Variants in ATRNL1 observed in about 807,000 individuals in gnomAD.
ATRNL1 encodes attractin like 1, also known as attractin-like protein 1.
Under a neutral mutation model 182.7 loss-of-function variants are expected in ATRNL1, and 95 were observed. The ratio of observed to expected loss-of-function variants is 0.52; its 90% confidence interval spans 0.44 to 0.62. ATRNL1 has a LOEUF of 0.62. ATRNL1 is among the 20% of genes least tolerant of loss of function. The pLI, the probability that ATRNL1 is intolerant of heterozygous loss-of-function variation, is 0.00. For missense variants in ATRNL1, 1,471 were observed against 1,679.5 expected, an observed-to-expected ratio of 0.88 and a Z score of 2.17; for synonymous variants, 576 against 568.3, an observed-to-expected ratio of 1.01 and a Z score of -0.19.
intron 1 of ATRNL1, among the ~76,000 whole-genome samples, chr10:115,100,671 TG>T (rs1259394961): frequency 6.6e-6 from 1 of 152,180 alleles, no homozygotes; most frequent in Non-Finnish European, 1.5e-5. Context: ...TCTTGAATTC[TG>T]GGAGTGTTTT....
intron 5 of ATRNL1, among the ~76,000 whole-genome samples, chr10:115,143,904 G>T (rs997887106): frequency 2.0e-5 from 3 of 151,896 alleles, no homozygotes; most frequent in African/African-American, 7.3e-5. Context: ...ATACTATCAC[G>T]TTGGGAGTTA....
At chr10:115,318,958 T>C in intron 18 of ATRNL1, among the ~76,000 whole-genome samples, 1 of 152,134 alleles carries the variant, frequency 6.6e-6, no homozygotes, top group East Asian at 1.9e-4. Context: ...TGCTGTTGCT[T>C]CTCTAGTTCT....
At chr10:115,521,228 A>T (rs1016086317) in intron 25 of ATRNL1, among the ~76,000 whole-genome samples, 1 of 151,830 alleles carries the variant, frequency 6.6e-6, no homozygotes, top group Non-Finnish European at 1.5e-5. Flanking sequence ...ATTTCGGCTC[A>T]CTGCAACCTT....
intron 27 of ATRNL1, among the ~76,000 whole-genome samples, chr10:115,738,376 G>T (rs1292412290): frequency 6.6e-6 from 1 of 151,758 alleles, no homozygotes; most frequent in Non-Finnish European, 1.5e-5. Flanking sequence ...CCGACCTCAG[G>T]TAATCCACCT....
intron 27 of ATRNL1, among the ~76,000 whole-genome samples, chr10:115,825,661 C>T (rs1033509871): frequency 5.3e-5 from 8 of 152,074 alleles, no homozygotes; most frequent in African/African-American, 1.4e-4. Flanking sequence ...TCCTGTTAAT[C>T]GTCAGTGTGT....
At chr10:115,553,661 A>G (rs1284577446) in intron 26 of ATRNL1, among the ~76,000 whole-genome samples, 1 of 151,388 alleles carries the variant, frequency 6.6e-6, no homozygotes, top group African/African-American at 2.4e-5. Flanking sequence ...TAAAAATAAT[A>G]AACCAATACC....
chr10:115,362,099 A>G (rs971402933), intron 19 of ATRNL1, among the ~76,000 whole-genome samples: 3 of 152,086 alleles, frequency 2.0e-5, no homozygotes, highest in African/African-American at 7.2e-5. Flanking sequence ...AAAAGAAAAA[A>G]AAATTTACAC....
chr10:115,099,712 T>C (rs1474240558), intron 1 of ATRNL1, among the ~76,000 whole-genome samples: 1 of 152,234 alleles, frequency 6.6e-6, no homozygotes, highest in African/African-American at 2.4e-5. Context: ...TCTCATGTGC[T>C]TACTTGCCAT....
chr10:115,472,416 T>C (rs1216580048), intron 24 of ATRNL1, among the ~76,000 whole-genome samples: 4 of 151,100 alleles, frequency 2.6e-5, no homozygotes, highest in Non-Finnish European at 3.0e-5. Context: ...TTGTATTGAC[T>C]CTGTAGAACA....
intron 26 of ATRNL1, among the ~76,000 whole-genome samples, chr10:115,713,625 A>ATG (rs1947139539): frequency 6.6e-6 from 1 of 150,692 alleles, no homozygotes; most frequent in Non-Finnish European, 1.5e-5. Flanking sequence ...ATATACACAC[A>ATG]CACACACACA....
chr10:115,109,019 T>C (rs1554867007), intron 1 of ATRNL1, among the ~76,000 whole-genome samples: 1 of 152,162 alleles, frequency 6.6e-6, no homozygotes, highest in Non-Finnish European at 1.5e-5. Context: ...CCCTTTACTC[T>C]CCACATTTCT....
At chr10:115,927,742 A>G (rs534185071) in intron 28 of ATRNL1, among the ~76,000 whole-genome samples, 1 of 152,096 alleles carries the variant, frequency 6.6e-6, no homozygotes, top group Non-Finnish European at 1.5e-5. Context: ...TTGACTTGTC[A>G]AGAGAATCAG....
intron 28 of ATRNL1, among the ~76,000 whole-genome samples, chr10:115,906,825 T>TA (rs1384482983): frequency 1.4e-3 from 215 of 151,640 alleles, no homozygotes; most frequent in African/African-American, 4.5e-3. Flanking sequence ...ATACTTTTTT[T>TA]AAAAAAAAAT....
At chr10:115,851,685 C>T (rs1200317446) in intron 28 of ATRNL1, among the ~76,000 whole-genome samples, 3 of 152,144 alleles carry the variant, frequency 2.0e-5, no homozygotes, top group South Asian at 2.1e-4. Flanking sequence ...TAGAGCTGGG[C>T]TAATTAGGTT....
At chr10:115,470,612 T>A (rs2134569606) in intron 24 of ATRNL1, among the ~76,000 whole-genome samples, 1 of 150,644 alleles carries the variant, frequency 6.6e-6, no homozygotes, top group Non-Finnish European at 1.5e-5. Flanking sequence ...GTTTATATAC[T>A]TTTGAAAAAA....
chr10:115,266,801 A>G lies in ATRNL1; in HGVS notation c.1777A>G (p.Met593Val), dbSNP rs1048094093. 6.3e-6 allele frequency: 10 copies of G among 1,595,808 alleles called. No homozygotes were observed. The Admixed American group carries it at 6.7e-5, about 11-fold the overall frequency. Residue 593 changes from methionine (M) to valine (V), a missense_variant, in exon 12 of 29, where the codon ATG (methionine) becomes GTG (valine). Coordinates refer to ENST00000355044, the MANE Select transcript of ATRNL1 (RefSeq NM_207303.4). Reference protein sequence around the residue: ...GHSAVVINGSMYIFGGFSSVL... With the variant: ...GHSAVVINGSVYIFGGFSSVL... ...TTCTTGTTTTGTTTTTAATAGGTCC[A>G]TGTATATATTTGGGGGATTTTCTAG... is the stretch of plus-strand genomic sequence containing the variant.
intron 9 of ATRNL1, among the ~76,000 whole-genome samples, chr10:115,230,948 C>T (rs2144519320): frequency 7.2e-6 from 1 of 139,354 alleles, no homozygotes; most frequent in South Asian, 2.2e-4. Context: ...AAAGATGAAG[C>T]AGGCATTTGG....
chr10:115,502,541 AT>A (rs113320722), intron 24 of ATRNL1, among the ~76,000 whole-genome samples: 23 of 152,254 alleles, frequency 1.5e-4, no homozygotes, highest in South Asian at 1.0e-3. Context: ...AAGCCAATTA[AT>A]TTTTTTTTAA....
chr10:115,588,316 C>T (rs1417402237), intron 26 of ATRNL1, among the ~76,000 whole-genome samples: 1 of 152,114 alleles, frequency 6.6e-6, no homozygotes, highest in African/African-American at 2.4e-5. Context: ...TTCTGATGGT[C>T]TCAACCTGTG....
Sources: allele counts gnomAD v4.1 joint callset (sites outside exome capture counted in the v4.1 genomes callset), GRCh38; gene constraint gnomAD v4.1.1; transcripts MANE v1.5; gene names NCBI Gene and HGNC (gene_info 2026-07-23, HGNC 2026-07-21).